The following ZNF626 variants were observed in gnomAD, a reference collection of about 807,000 sequenced individuals.
The protein encoded by ZNF626 is zinc finger protein 626, also known as CTC-513N18.7.
Under a neutral mutation model 11.7 loss-of-function variants are expected in ZNF626, and 4 were observed. The ratio of observed to expected loss-of-function variants is 0.34; its 90% CI spans 0.17 to 0.78. ZNF626 has a LOEUF of 0.78. Ranked by LOEUF, ZNF626 falls within the 30% of genes least tolerant of loss-of-function variation. The pLI, the probability that ZNF626 is intolerant of heterozygous loss-of-function variation, is 0.57. For missense variants in ZNF626, 588 were observed against 587.1 expected (o/e 1.00, Z -0.01); for synonymous variants, 179 against 198.6 (o/e 0.90, Z 0.83).
Position 20,659,561 on chromosome 19 carries a change from C to T in ZNF626, c.3+1883G>A, listed in dbSNP as rs1221533244. On this transcript the variant is annotated intron_variant, in intron 1 of 3. Coordinates refer to ENST00000601440, the MANE Select transcript of ZNF626 (RefSeq NM_001076675.3). ...CAGCCTAAAATATTTCTTAATCAAACTTTACTTAAGTTTATCTCCATCCCT... is the reference window on the plus strand; with the variant it reads ...CAGCCTAAAATATTTCTTAATCAAATTTTACTTAAGTTTATCTCCATCCCT... Among the ~76,000 whole-genome samples the T allele has an allele frequency of 5.3e-5, 8 of 152,028 alleles. No individual in the cohort carries two copies. In the South Asian group the frequency reaches 6.2e-4, roughly 12 times the overall value.
At chr19:20,628,659 T>C (rs1180393956) in intron 3 of ZNF626, among the ~76,000 whole-genome samples, 1 of 152,184 alleles carries the variant, frequency 6.6e-6, no homozygotes, top group African/African-American at 2.4e-5. Flanking sequence ...CTTGTCTGAG[T>C]TCATTGTAGA....
At chr19:20,636,358 T>C (rs1969965296) in intron 3 of ZNF626, among the ~76,000 whole-genome samples, 1 of 152,044 alleles carries the variant, frequency 6.6e-6, no homozygotes, top group Admixed American at 6.6e-5. Context: ...CTAAAAAATA[T>C]ATTGTTATAT....
At chr19:20,628,215 T>C (rs1969862667) in intron 3 of ZNF626, among the ~76,000 whole-genome samples, 1 of 152,200 alleles carries the variant, frequency 6.6e-6, no homozygotes, top group African/African-American at 2.4e-5. Flanking sequence ...GTCTTTGCTA[T>C]TGTGAATAGT....
chr19:20,655,866 C>T (rs1970199157), intron 1 of ZNF626, among the ~76,000 whole-genome samples: 1 of 151,430 alleles, frequency 6.6e-6, no homozygotes, highest in Non-Finnish European at 1.5e-5. Context: ...ACCCAGGAGG[C>T]AGAGGTTGCA....
chr19:20,661,293 C>T, intron 1 of ZNF626, 151 bp downstream of exon 1: 1 of 1,068,494 alleles, frequency 9.4e-7, no homozygotes, highest in Non-Finnish European at 1.4e-6. Context: ...CATTTTATGG[C>T]TGAACAGGAC....
chr19:20,627,234 G>A (rs1346911282), intron 3 of ZNF626, among the ~76,000 whole-genome samples: 1 of 151,996 alleles, frequency 6.6e-6, no homozygotes, highest in Non-Finnish European at 1.5e-5. Flanking sequence ...TACACACAAA[G>A]ATATTTGTAA....
At chr19:20,660,426 CT>C (rs1305012109) in intron 1 of ZNF626, among the ~76,000 whole-genome samples, 4 of 151,182 alleles carry the variant, frequency 2.6e-5, no homozygotes, top group African/African-American at 4.9e-5. Context: ...AAGATGCTTA[CT>C]TTTTTTTTCT....
chr19:20,642,326 G>A (rs1260242159), intron 3 of ZNF626, among the ~76,000 whole-genome samples: 3 of 152,176 alleles, frequency 2.0e-5, no homozygotes, highest in East Asian at 1.9e-4. Flanking sequence ...GAGACCAGGC[G>A]CAGTGGCTCA....
intron 1 of ZNF626, among the ~76,000 whole-genome samples, chr19:20,657,657 T>C (rs980487212): frequency 1.3e-5 from 2 of 151,750 alleles, no homozygotes; most frequent in South Asian, 2.1e-4. Flanking sequence ...AATACAAAAT[T>C]AGCTAGGTGT....
intron 1 of ZNF626, among the ~76,000 whole-genome samples, chr19:20,653,163 T>C (rs1555772737): frequency 1.3e-5 from 2 of 152,184 alleles, no homozygotes; most frequent in African/African-American, 4.8e-5. Context: ...GAATGTCCCC[T>C]CGAGTAAATT....
At chr19:20,656,579 A>T (rs1026802106) in intron 1 of ZNF626, among the ~76,000 whole-genome samples, 47 of 152,328 alleles carry the variant, frequency 3.1e-4, no homozygotes, top group African/African-American at 1.1e-3. Context: ...TTAAGAATTT[A>T]AACAAGTTTA....
At position 20,647,367 on chromosome 19, in the gene ZNF626, T is replaced by C. The variant is rs145450040; in HGVS notation, c.4-962A>G. ...TTTATGCACATCAGCTGCATAAAGA[T>C]ACGTAATAATAAAGAGGAAAAATAA... On this transcript the variant is annotated intron_variant, in intron 1 of 3. Transcript: ENST00000601440. 3.3e-5 allele frequency among the ~76,000 whole-genome samples: 5 copies of C among 151,978 alleles called. No homozygotes were observed. In the East Asian group the frequency reaches 9.7e-4, roughly 29 times the overall value.
chr19:20,625,786 T>G, intron 3 of ZNF626, 136 bp from the exon 4 acceptor site: 1 of 937,776 alleles, frequency 1.1e-6, no homozygotes, highest in Non-Finnish European at 1.5e-6. Flanking sequence ...CTGTAATTTC[T>G]TCCTGGACAT....
Position 20,661,524 on chromosome 19 carries a change from G to A in ZNF626, c.-78C>T, listed in dbSNP as rs1970268588. ...CAGGACACGGGGCCACACAGCCTGG[G>A]CCTTTAGGAGAAGAACCAGACCTGG... On this transcript the variant is annotated 5_prime_UTR_variant, in exon 1 of 4. Coordinates refer to ENST00000601440, the MANE Select transcript of ZNF626 (RefSeq NM_001076675.3). 1.4e-6 allele frequency: 2 copies of A among 1,472,598 alleles called. No homozygotes were observed. Among genetic ancestry groups the A allele is most frequent in the East Asian group, 2.4e-5 (1 of 42,228 alleles). The allele number at this position is 1,472,598 out of a possible 1,614,324, so 91.2% of individuals were successfully genotyped here.
intron 3 of ZNF626, among the ~76,000 whole-genome samples, chr19:20,641,951 AATT>A (rs1237176696): frequency 1.3e-5 from 2 of 152,078 alleles, no homozygotes; most frequent in African/African-American, 4.8e-5. Context: ...AAAAATCCAG[AATT>A]ATTAATCTTT....
intron 1 of ZNF626, among the ~76,000 whole-genome samples, chr19:20,653,141 A>C (rs1599486973): frequency 6.6e-6 from 1 of 152,296 alleles, no homozygotes; most frequent in East Asian, 1.9e-4. Flanking sequence ...AATTTACTGG[A>C]AGCCTGAGAG....
intron 1 of ZNF626, among the ~76,000 whole-genome samples, chr19:20,651,411 T>C (rs1218644130): frequency 6.6e-6 from 1 of 151,648 alleles, no homozygotes; most frequent in Non-Finnish European, 1.5e-5. Context: ...GCTTCATGTT[T>C]TATTTTAACG....
chr19:20,649,820 TC>T (rs35122449), intron 1 of ZNF626, among the ~76,000 whole-genome samples: 77,760 of 151,944 alleles, frequency 0.51, 22,966 homozygotes, highest in African/African-American at 0.82. Flanking sequence ...CTGATGTTGC[TC>T]CCCCCGCCCC....
At chr19:20,631,879 A>G (rs1969909866) in intron 3 of ZNF626, among the ~76,000 whole-genome samples, 1 of 151,812 alleles carries the variant, frequency 6.6e-6, no homozygotes, top group Admixed American at 6.6e-5. Context: ...GTTTCTTCCT[A>G]GTCTCAATGG....
Sources: gnomAD v4.1 joint callset for allele counts (sites outside exome capture counted in the v4.1 genomes callset) on GRCh38, gnomAD v4.1.1 for gene constraint, MANE v1.5 for transcripts, NCBI Gene and HGNC (gene_info 2026-07-23, HGNC 2026-07-21) for gene names.